The following KIAA1671 variants were observed in gnomAD, a reference collection of about 807,000 sequenced individuals.
KIAA1671 encodes the protein KIAA1671.
Under a neutral mutation model 131.2 loss-of-function variants are expected in KIAA1671, and 52 were observed. The observed-to-expected ratio is 0.40, with a 90% confidence interval of 0.32 to 0.50. KIAA1671 has a LOEUF of 0.50. Ranked by LOEUF, KIAA1671 falls within the 20% of genes least tolerant of loss-of-function variation. The pLI, the probability that KIAA1671 is intolerant of heterozygous loss-of-function variation, is 0.73. For missense variants in KIAA1671, 2,360 were observed against 2,364.2 expected, an observed-to-expected ratio of 1.00 and a Z score of 0.04; for synonymous variants, 1,003 against 961.6, an observed-to-expected ratio of 1.04 and a Z score of -0.80.
chr22:25,119,526 GC>G (rs1431539096), intron 6 of KIAA1671, among the ~76,000 whole-genome samples: 1 of 152,228 alleles, frequency 6.6e-6, no homozygotes, highest in African/African-American at 2.4e-5. Context: ...CAGGGTCTTT[GC>G]CCTCATGGGA....
chr22:25,002,258 G>A (rs1602058143), intron 1 of KIAA1671, among the ~76,000 whole-genome samples: 1 of 152,284 alleles, frequency 6.6e-6, no homozygotes, highest in South Asian at 2.1e-4. Flanking sequence ...AGCTGAGCAT[G>A]TTCAGCTGTT....
chr22:25,122,194 G>A (rs1158904840), intron 6 of KIAA1671, among the ~76,000 whole-genome samples: 1 of 152,136 alleles, frequency 6.6e-6, no homozygotes. Context: ...GCGGGGCTCG[G>A]GCACCGGACC....
At chr22:25,110,298 C>T (rs945607226) in intron 6 of KIAA1671, among the ~76,000 whole-genome samples, 3 of 152,152 alleles carry the variant, frequency 2.0e-5, no homozygotes, top group Non-Finnish European at 4.4e-5. Flanking sequence ...TTGTTCAAAA[C>T]TGAAGTGAGG....
At chr22:25,065,459 G>C (rs1263486342) in intron 6 of KIAA1671, among the ~76,000 whole-genome samples, 2 of 152,086 alleles carry the variant, frequency 1.3e-5, no homozygotes, top group Non-Finnish European at 2.9e-5. Context: ...ACTTCTCACA[G>C]GCTGGAAGAT....
chr22:25,187,827 T>C (rs1934529638), intron 11 of KIAA1671, among the ~76,000 whole-genome samples: 1 of 152,208 alleles, frequency 6.6e-6, no homozygotes, highest in Non-Finnish European at 1.5e-5. Context: ...TAAAATGTTG[T>C]GTTCTCATTA....
intron 6 of KIAA1671, among the ~76,000 whole-genome samples, chr22:25,068,469 C>T (rs1308904231): frequency 1.3e-5 from 2 of 151,928 alleles, no homozygotes; most frequent in Non-Finnish European, 2.9e-5. Flanking sequence ...CAGAGCCTCA[C>T]TCTGTCACCC....
chr22:25,157,885 G>A (rs1468635699), intron 6 of KIAA1671, among the ~76,000 whole-genome samples: 3 of 151,306 alleles, frequency 2.0e-5, no homozygotes, highest in African/African-American at 7.3e-5. Flanking sequence ...GCAGTGGCAC[G>A]ATCTCAGCTT....
At chr22:25,093,905 G>A (rs1216643688) in intron 6 of KIAA1671, among the ~76,000 whole-genome samples, 1 of 119,832 alleles carries the variant, frequency 8.3e-6, no homozygotes, top group African/African-American at 3.3e-5. Flanking sequence ...TTCTGCTTCT[G>A]CTTCTGCTCC....
At chr22:25,069,950 T>C in intron 6 of KIAA1671, 1 of 164,802 alleles carries the variant, frequency 6.1e-6, no homozygotes, top group Non-Finnish European at 1.3e-5. Context: ...CCTTCATGCA[T>C]AAACACACAC....
intron 1 of KIAA1671, among the ~76,000 whole-genome samples, chr22:25,006,292 A>G (rs571557166): frequency 6.6e-6 from 1 of 152,172 alleles, no homozygotes; most frequent in South Asian, 2.1e-4. Context: ...CTCGGCTCCC[A>G]AGGTGTTGGG....
chr22:24,960,651 GTTCT>G (rs1474410463), intron 1 of KIAA1671, among the ~76,000 whole-genome samples: 3 of 130,046 alleles, frequency 2.3e-5, no homozygotes, highest in Non-Finnish European at 4.6e-5. Context: ...TGTTTTTCAG[GTTCT>G]TTTTTTTTTT....
intron 6 of KIAA1671, chr22:25,058,898 C>T (rs1237493115): frequency 6.6e-6 from 1 of 152,180 alleles, no homozygotes; most frequent in African/African-American, 2.4e-5. Flanking sequence ...TGAGTGAGGC[C>T]TCTTCTCAGG....
rs759898395 is a variant in KIAA1671 at position 25,074,496 on chromosome 22, CAAAAAAAAA to C, written c.4530+25145_4530+25153del. Among the ~76,000 whole-genome samples the C allele has an allele frequency of 5.3e-4, 34 of 64,150 alleles. 1 individual carries two copies. Among genetic ancestry groups the C allele is most frequent in the South Asian group, 3.9e-3 (7 of 1,800 alleles). The allele number at this position is 64,150 out of a possible 152,430, so 42.1% of individuals were successfully genotyped here. A position where few individuals can be genotyped will look rare whatever the true frequency, so the allele number is the denominator to read the frequency against. ...CTCCAGCCTGAGCAAGGCTGTGTCT[CAAAAAAAAA>C]AAAAAAAAAAAAGAAAGAAAGAAAT... is the stretch of plus-strand genomic sequence containing the variant. On this transcript the variant is annotated intron_variant, in intron 6 of 12. Transcript: ENST00000358431.
At chr22:25,065,063 G>A (rs1298397168) in intron 6 of KIAA1671, 1 of 152,306 alleles carries the variant, frequency 6.6e-6, no homozygotes, top group Non-Finnish European at 1.5e-5. Flanking sequence ...AGGAATTCCT[G>A]GCAGAGGGCA....
intron 1 of KIAA1671, among the ~76,000 whole-genome samples, chr22:24,977,310 C>T (rs551240421): frequency 6.6e-6 from 1 of 152,292 alleles, no homozygotes; most frequent in South Asian, 2.1e-4. Context: ...TTTAAAGGCC[C>T]TTTGTGTCCA....
intron 6 of KIAA1671, among the ~76,000 whole-genome samples, chr22:25,170,128 T>C (rs2146011502): frequency 6.6e-6 from 1 of 152,252 alleles, no homozygotes; most frequent in South Asian, 2.1e-4. Flanking sequence ...TTAGCCAGGA[T>C]GGTCTCGATC....
chr22:25,045,960 ACT>A (rs922354555), intron 5 of KIAA1671, among the ~76,000 whole-genome samples: 4 of 151,714 alleles, frequency 2.6e-5, no homozygotes, highest in African/African-American at 9.7e-5. Context: ...TTTAACCTAG[ACT>A]CTCATTGATG....
At chr22:25,174,540 C>G (rs186580987) in intron 8 of KIAA1671, 51 bp downstream of exon 8, 1 of 1,470,874 alleles carries the variant, frequency 6.8e-7, no homozygotes, top group Admixed American at 2.4e-5. Context: ...TCCAGCCTCT[C>G]TCTGTGAATT....
At chr22:25,151,296 AACATATAT>A (rs1337515660) in intron 6 of KIAA1671, among the ~76,000 whole-genome samples, 2 of 149,802 alleles carry the variant, frequency 1.3e-5, no homozygotes, top group East Asian at 1.9e-4. Context: ...TTATATATGC[AACATATAT>A]ACATATATGC....
Sources: allele counts gnomAD v4.1 joint callset (sites outside exome capture counted in the v4.1 genomes callset), GRCh38; gene constraint gnomAD v4.1.1; transcripts MANE v1.5; gene names NCBI Gene and HGNC (gene_info 2026-07-23, HGNC 2026-07-21).